CDH4: variants seen among roughly 807,000 people sequenced by gnomAD.
The protein encoded by CDH4 is cadherin-4.
CDH4 carries 33 observed loss-of-function variants against 86.0 expected under a neutral mutation model. The ratio of observed to expected loss-of-function variants is 0.38; its 90% CI spans 0.29 to 0.51. The LOEUF is 0.51. CDH4 is among the 20% of genes least tolerant of loss of function. The pLI, the probability that CDH4 is intolerant of heterozygous loss-of-function variation, is 0.86. For synonymous variants in CDH4, 555 were observed against 549.4 expected, an observed-to-expected ratio of 1.01 and a Z score of -0.14; for missense variants, 1,114 against 1,307.4, an observed-to-expected ratio of 0.85 and a Z score of 2.28.
At chr20:61,931,875 A>G (rs1415481455) in intron 13 of CDH4, among the ~76,000 whole-genome samples, 1 of 151,986 alleles carries the variant, frequency 6.6e-6, no homozygotes, top group Non-Finnish European at 1.5e-5. Flanking sequence ...CAATTTCCAC[A>G]TGCACCTGAA....
chr20:61,731,686 C>T (rs547280963), intron 2 of CDH4, among the ~76,000 whole-genome samples: 72 of 152,338 alleles, frequency 4.7e-4, no homozygotes, highest in African/African-American at 1.3e-3. Flanking sequence ...GGGCAGGCCC[C>T]GTGCAGACGC....
intron 4 of CDH4, among the ~76,000 whole-genome samples, chr20:61,783,543 G>A (rs1007477850): frequency 3.4e-5 from 5 of 146,552 alleles, no homozygotes; most frequent in Non-Finnish European, 6.0e-5. Flanking sequence ...AAGGCCCTCC[G>A]ATATCCTGTG....
At chr20:61,462,734 A>G (rs565387625) in intron 2 of CDH4, among the ~76,000 whole-genome samples, 7 of 152,020 alleles carry the variant, frequency 4.6e-5, no homozygotes, top group Non-Finnish European at 8.8e-5. Context: ...CTTTTTCACA[A>G]TCCCAGGTCT....
chr20:61,713,350 C>T (rs1261927194), intron 2 of CDH4, among the ~76,000 whole-genome samples: 3 of 152,180 alleles, frequency 2.0e-5, no homozygotes, highest in Non-Finnish European at 4.4e-5. Context: ...TGAGCTAAGC[C>T]ATGGGGGTCC....
chr20:61,637,169 G>A (rs1205485379), intron 2 of CDH4, among the ~76,000 whole-genome samples: 2 of 152,196 alleles, frequency 1.3e-5, no homozygotes, highest in Middle Eastern at 3.2e-3. Flanking sequence ...TTCATGGAGA[G>A]TTGTAAGGAT....
At position 61,838,773 on chromosome 20, in the gene CDH4, A is replaced by G. The variant is rs150618812; in HGVS notation, c.577-5895A>G. ...CAGGAAGTGGAGGTTGCAGTGAACC[A>G]AGATCACACCACTGCACTCCAGCCT... On this transcript the variant is annotated intron_variant, in intron 4 of 15. Coordinates refer to ENST00000614565, the MANE Select transcript of CDH4 (RefSeq NM_001794.5). Among the ~76,000 whole-genome samples, 1,488 of 150,884 alleles carry G rather than the reference A, an allele frequency of 9.9e-3. 7 individuals are homozygous for G. Among genetic ancestry groups the G allele is most frequent in the Non-Finnish European group, 0.015 (997 of 67,760 alleles).
intron 3 of CDH4, among the ~76,000 whole-genome samples, chr20:61,762,576 A>C (rs903407843): frequency 1.3e-5 from 2 of 152,206 alleles, no homozygotes; most frequent in African/African-American, 4.8e-5. Flanking sequence ...AATGGCTCCC[A>C]CTGCACTCTG....
chr20:61,752,014 G>T (rs1467820966), intron 3 of CDH4, among the ~76,000 whole-genome samples: 1 of 152,236 alleles, frequency 6.6e-6, no homozygotes, highest in Non-Finnish European at 1.5e-5. Flanking sequence ...ACACGGGAAA[G>T]AATGATCACT....
intron 2 of CDH4, among the ~76,000 whole-genome samples, chr20:61,391,780 G>A (rs2084987597): frequency 6.6e-6 from 1 of 152,152 alleles, no homozygotes; most frequent in African/African-American, 2.4e-5. Context: ...GGAGGATATT[G>A]TCTGTCCCTA....
chr20:61,608,505 G>A lies in CDH4; in HGVS notation c.170-135058G>A, dbSNP rs541149553. Among the ~76,000 whole-genome samples, 14 of 152,324 alleles carry A rather than the reference G, an allele frequency of 9.2e-5. No homozygotes were observed. In the East Asian group the frequency reaches 1.5e-3, roughly 17 times the overall value. The stretch of plus-strand genomic sequence containing the variant: ...CTGGACAGTTCTCCAGGTCTCATGC[G>A]TGGTGATGGACGATTCTGCCCCACT... On this transcript the variant is annotated intron_variant, in intron 2 of 15. Transcript: ENST00000614565.
chr20:61,808,475 C>T (rs1980255506), intron 4 of CDH4, among the ~76,000 whole-genome samples: 1 of 152,150 alleles, frequency 6.6e-6, no homozygotes, highest in Non-Finnish European at 1.5e-5. Flanking sequence ...AGTCTGTGGG[C>T]ACATTAAGGA....
At chr20:61,644,605 C>T (rs908354786) in intron 2 of CDH4, among the ~76,000 whole-genome samples, 5 of 152,184 alleles carry the variant, frequency 3.3e-5, no homozygotes, top group African/African-American at 7.2e-5. Context: ...GGTCACGGAG[C>T]GGGCTCAGGA....
chr20:61,584,286 C>T (rs754316603), intron 2 of CDH4, among the ~76,000 whole-genome samples: 4 of 152,200 alleles, frequency 2.6e-5, no homozygotes, highest in Admixed American at 6.5e-5. Flanking sequence ...CTGGAATGTT[C>T]GTCCTGGCTT....
At chr20:61,362,706 AGTGCCCCTGGCT>A (rs983612611) in intron 2 of CDH4, among the ~76,000 whole-genome samples, 18 of 152,108 alleles carry the variant, frequency 1.2e-4, no homozygotes, top group African/African-American at 4.3e-4. Context: ...CGGGGCCATC[AGTGCCCCTGGCT>A]GGATGGGGTG....
At chr20:61,459,983 C>T (rs376373077) in intron 2 of CDH4, among the ~76,000 whole-genome samples, 239 of 152,198 alleles carry the variant, frequency 1.6e-3, no homozygotes, top group African/African-American at 5.4e-3. Flanking sequence ...ACCTCACACT[C>T]CAGGAACCAA....
rs1039699475 is a variant in CDH4 at position 61,662,291 on chromosome 20, G to A, written c.170-81272G>A. ...GTGGGAATGGCCGTGGCAGAGGTAGGCCCTGGGCCCCTTTCTGGAGCCATC... is the reference window on the plus strand; with the variant it reads ...GTGGGAATGGCCGTGGCAGAGGTAGACCCTGGGCCCCTTTCTGGAGCCATC... On this transcript the variant is annotated intron_variant, in intron 2 of 15. Transcript: ENST00000614565. Among the ~76,000 whole-genome samples, 6 of 152,372 alleles carry A rather than the reference G, an allele frequency of 3.9e-5. No individual in the cohort carries two copies. The South Asian group carries it at 1.2e-3, about 32-fold the overall frequency.
chr20:61,806,590 GT>G (rs1333922455), intron 4 of CDH4, among the ~76,000 whole-genome samples: 3 of 151,550 alleles, frequency 2.0e-5, no homozygotes, highest in Admixed American at 1.3e-4. Context: ...CACACATGCA[GT>G]ACCATCGGAG....
chr20:61,566,068 C>A (rs2086295384), intron 2 of CDH4, among the ~76,000 whole-genome samples: 1 of 152,216 alleles, frequency 6.6e-6, no homozygotes, highest in African/African-American at 2.4e-5. Context: ...GGTCGCTGGT[C>A]CTCTGCTTCC....
intron 2 of CDH4, among the ~76,000 whole-genome samples, chr20:61,653,348 A>C (rs962837324): frequency 4.4e-5 from 6 of 137,598 alleles, no homozygotes; most frequent in Non-Finnish European, 9.8e-5. Context: ...TTCTACACAG[A>C]CACGGCAACC....
Sources: allele counts gnomAD v4.1 joint callset (sites outside exome capture counted in the v4.1 genomes callset), GRCh38; gene constraint gnomAD v4.1.1; transcripts MANE v1.5; gene names NCBI Gene and HGNC (gene_info 2026-07-23, HGNC 2026-07-21).